PTPRO: variants seen among roughly 807,000 people sequenced by gnomAD.
PTPRO encodes the protein receptor-type tyrosine-protein phosphatase O.
Under a neutral mutation model 145.2 loss-of-function variants are expected in PTPRO, and 62 were observed. That is an observed-to-expected ratio of 0.43 (90% confidence interval 0.35 to 0.53). The LOEUF is 0.53. Ranked by LOEUF, PTPRO falls within the 20% of genes least tolerant of loss-of-function variation. PTPRO has a pLI of 0.01. For missense variants in PTPRO, 1,345 were observed against 1,482.7 expected (o/e 0.91, Z 1.53); for synonymous variants, 565 against 514.7 (o/e 1.10, Z -1.32).
At chr12:15,458,458 A>G (rs553701973) in intron 1 of PTPRO, among the ~76,000 whole-genome samples, 45 of 152,040 alleles carry the variant, frequency 3.0e-4, no homozygotes, top group Non-Finnish European at 3.5e-4. Context: ...TTCTTGTGAA[A>G]TTCCCATAAT....
At chr12:15,582,714 G>GT (rs1208785569) in intron 23 of PTPRO, among the ~76,000 whole-genome samples, 17 of 151,608 alleles carry the variant, frequency 1.1e-4, no homozygotes, top group South Asian at 4.2e-4. Flanking sequence ...GTTTTGTTTT[G>GT]TTTTTTTTCT....
At chr12:15,360,948 G>GTATATACACACACATATATACACACGTA (rs1938183628) in intron 1 of PTPRO, among the ~76,000 whole-genome samples, 2 of 143,996 alleles carry the variant, frequency 1.4e-5, no homozygotes, top group African/African-American at 5.2e-5. Context: ...ATACACACGT[G>GTATATACACACACATATATACACACGTA]TATATACACA....
intron 1 of PTPRO, among the ~76,000 whole-genome samples, chr12:15,413,633 G>A (rs1436447029): frequency 6.6e-6 from 1 of 152,042 alleles, no homozygotes; most frequent in Non-Finnish European, 1.5e-5. Flanking sequence ...TAGCAAAGAT[G>A]ATAAAACCCT....
In PTPRO at chr12:15,338,801, C is replaced by T. The variant is rs146610003; in HGVS notation, c.75+16000C>T. On this transcript the variant is annotated intron_variant, in intron 1 of 26. Transcript: ENST00000281171. Reference sequence around the variant, plus strand: ...TTACAAGGTTTGAGTAAAACAGGAGCGGAGTAGAGGAAAAGAATGGATGAA... The same window carrying T: ...TTACAAGGTTTGAGTAAAACAGGAGTGGAGTAGAGGAAAAGAATGGATGAA... Among the ~76,000 whole-genome samples the T allele has an allele frequency of 3.8e-3, 583 of 151,918 alleles. 3 individuals are homozygous for T. Among genetic ancestry groups the T allele is most frequent in the African/African-American group, 0.013 (535 of 41,428 alleles).
intron 2 of PTPRO, among the ~76,000 whole-genome samples, chr12:15,492,069 T>C (rs79424481): frequency 0.019 from 2,860 of 152,334 alleles, 30 homozygotes; most frequent in Non-Finnish European, 0.03. Context: ...TCTATAGTGA[T>C]AACCACTATA....
At chr12:15,368,692 A>T (rs2136254457) in intron 1 of PTPRO, among the ~76,000 whole-genome samples, 1 of 152,320 alleles carries the variant, frequency 6.6e-6, no homozygotes, top group South Asian at 2.1e-4. Context: ...AATTTCTCCA[A>T]ACTGTTTATT....
chr12:15,392,654 G>T (rs1436541426), intron 1 of PTPRO, among the ~76,000 whole-genome samples: 1 of 145,638 alleles, frequency 6.9e-6, no homozygotes, highest in East Asian at 2.1e-4. Context: ...CTCGGAGGCG[G>T]AGGTTTCCAT....
intron 1 of PTPRO, among the ~76,000 whole-genome samples, chr12:15,413,679 G>T (rs936212941): frequency 2.0e-5 from 3 of 152,046 alleles, no homozygotes; most frequent in Non-Finnish European, 4.4e-5. Flanking sequence ...GCCAGGCATG[G>T]TAGCGCACAC....
intron 1 of PTPRO, among the ~76,000 whole-genome samples, chr12:15,336,560 T>C (rs1050165704): frequency 1.3e-5 from 2 of 152,182 alleles, no homozygotes; most frequent in African/African-American, 4.8e-5. Flanking sequence ...CAGGCATTTA[T>C]TTTCCATTTT....
intron 1 of PTPRO, among the ~76,000 whole-genome samples, chr12:15,443,753 C>G (rs1940831677): frequency 6.6e-6 from 1 of 152,114 alleles, no homozygotes; most frequent in Admixed American, 6.5e-5. Context: ...CATCACTAAT[C>G]ATCAGAGAAA....
At chr12:15,575,126 TC>T in intron 19 of PTPRO, among the ~76,000 whole-genome samples, 1 of 152,186 alleles carries the variant, frequency 6.6e-6, no homozygotes, top group Non-Finnish European at 1.5e-5. Context: ...GAGGTCCTTG[TC>T]CATCCCACAG....
intron 1 of PTPRO, among the ~76,000 whole-genome samples, chr12:15,376,015 A>G (rs1591755909): frequency 6.6e-6 from 1 of 152,200 alleles, no homozygotes; most frequent in East Asian, 1.9e-4. Context: ...GTGGGACACC[A>G]TCAAGCATAT....
intron 1 of PTPRO, among the ~76,000 whole-genome samples, chr12:15,420,572 T>A (rs892328991): frequency 1.3e-5 from 2 of 151,138 alleles, no homozygotes; most frequent in Non-Finnish European, 2.9e-5. Context: ...CCCTTAAGCT[T>A]AAGTCCTCTT....
At chr12:15,530,424 A>G (rs948512903) in intron 12 of PTPRO, among the ~76,000 whole-genome samples, 3 of 152,216 alleles carry the variant, frequency 2.0e-5, no homozygotes, top group Non-Finnish European at 2.9e-5. Flanking sequence ...TATGGAATAC[A>G]CATTGTTTTC....
intron 1 of PTPRO, among the ~76,000 whole-genome samples, chr12:15,373,309 CA>C (rs1249766758): frequency 6.6e-6 from 1 of 152,116 alleles, no homozygotes; most frequent in East Asian, 1.9e-4. Context: ...GACAGGAAAA[CA>C]AAGCAATTTG....
At position 15,484,046 on chromosome 12, in the gene PTPRO, A is replaced by G. The variant is rs1277988006; in HGVS notation, c.148A>G (p.Ile50Val). 6.8e-6 allele frequency: 11 copies of G among 1,613,676 alleles called. No individual in the cohort carries two copies. Among genetic ancestry groups the G allele is most frequent in the Non-Finnish European group, 9.3e-6 (11 of 1,179,716 alleles). ...TGTCTCATTAGAAGCTTCAGACGTC[A>G]TCAGTCCAGCATCTGTGTATGTTGT... ...IVVSLEASDV[I>V]SPASVYVVKI... The change falls in exon 2 of 27, where the codon ATC becomes GTC. Residue 50 changes from isoleucine to valine, a missense_variant. Around this residue, in one of 3 missense-constraint regions of PTPRO, gnomAD observed 1,130 missense variants for 1,214.7 expected, o/e 0.93. Transcript: ENST00000281171.
chr12:15,487,063 C>T (rs895145799), intron 2 of PTPRO, among the ~76,000 whole-genome samples: 1 of 152,052 alleles, frequency 6.6e-6, no homozygotes, highest in Non-Finnish European at 1.5e-5. Flanking sequence ...ATGCAGCAAG[C>T]CCTGAACACC....
At position 15,501,994 on chromosome 12, in the gene PTPRO, A is replaced by G; in HGVS notation, c.1036A>G (p.Ile346Val). Residue 346 changes from isoleucine (I) to valine (V), a missense_variant, in exon 5 of 27, where the codon ATA (isoleucine) becomes GTA (valine). Ile to Val is a conservative substitution (Grantham distance 29). Coordinates refer to ENST00000281171, the MANE Select transcript of PTPRO (RefSeq NM_030667.3). ...TTTCTCCTTTTTCCCTGTGCAAATGATATTGACCTGGTTACCACCCAAACC... is the reference window on the plus strand; with the variant it reads ...TTTCTCCTTTTTCCCTGTGCAAATGGTATTGACCTGGTTACCACCCAAACC... Reference protein sequence around the residue: ...GSFSFFPVQMILTWLPPKPPT... With the variant: ...GSFSFFPVQMVLTWLPPKPPT... 6.2e-7 allele frequency: 1 copy of G among 1,614,050 alleles called. No individual in the cohort carries two copies. Among genetic ancestry groups the G allele is most frequent in the Non-Finnish European group, 8.5e-7 (1 of 1,179,928 alleles).
At chr12:15,351,392 C>T (rs944414425) in intron 1 of PTPRO, among the ~76,000 whole-genome samples, 2 of 152,174 alleles carry the variant, frequency 1.3e-5, no homozygotes, top group East Asian at 3.8e-4. Context: ...ACTCCTGCCT[C>T]CCTGTAAGTG....
Sources: allele counts gnomAD v4.1 joint callset (sites outside exome capture counted in the v4.1 genomes callset), GRCh38; gene constraint gnomAD v4.1.1; regional missense constraint gnomAD v4.1.1; transcripts MANE v1.5; gene names NCBI Gene and HGNC (gene_info 2026-07-23, HGNC 2026-07-21).